The following HDHD5 variants were observed in gnomAD, a reference collection of about 807,000 sequenced individuals.
The protein encoded by HDHD5 is haloacid dehalogenase-like hydrolase domain-containing 5.
A neutral mutation model predicts 35.5 loss-of-function variants in HDHD5; 34 were observed. The observed-to-expected ratio is 0.96, with a 90% CI of 0.73 to 1.28. HDHD5 has a LOEUF of 1.28. HDHD5 is among the 50% of genes most tolerant of loss of function. The pLI is 0.00. For missense variants in HDHD5, 589 were observed against 560.2 expected (o/e 1.05, Z -0.52); for synonymous variants, 248 against 240.6 (o/e 1.03, Z -0.29).
Position 17,159,113 on chromosome 22 carries a change from C to T in HDHD5, c.126+13G>A, listed in dbSNP as rs936144871. On this transcript the variant is annotated intron_variant, in intron 1 of 7. Transcript: ENST00000336737. ...AGTGGCGAGTGGCTCGGCCAGAACC[C>T]GGACGTCCTCACCTGAGCGGGGCCC... The T allele has an allele frequency of 3.8e-5, 47 of 1,239,838 alleles. No individual in the cohort carries two copies. The highest frequency in any genetic ancestry group is 4.4e-5 in the Non-Finnish European group (44 of 990,058). The allele number at this position is 1,239,838 out of a possible 1,614,324, so 76.8% of individuals were successfully genotyped here.
At chr22:17,144,297 A>G (rs2061632784) in intron 4 of HDHD5, among the ~76,000 whole-genome samples, 1 of 151,330 alleles carries the variant, frequency 6.6e-6, no homozygotes, top group African/African-American at 2.4e-5. Context: ...CTCAGCCGCC[A>G]AGACTGGAGT....
intron 5 of HDHD5, chr22:17,142,632 A>C (rs2061612013): frequency 6.5e-6 from 1 of 154,770 alleles, no homozygotes; most frequent in African/African-American, 2.4e-5. Context: ...ACTACTACAT[A>C]CTGAAATACA....
chr22:17,162,035 T>C (rs186389810), upstream of HDHD5, among the ~76,000 whole-genome samples: 150 of 152,334 alleles, frequency 9.8e-4, no homozygotes, highest in Non-Finnish European at 1.3e-3. Context: ...ACTTCCACCT[T>C]GCCCTCATTT....
At chr22:17,159,485 C>G (rs2061845359), upstream of HDHD5, 2 of 499,336 alleles carry the variant, frequency 4.0e-6, no homozygotes, top group Non-Finnish European at 7.6e-6. Context: ...GTGAGCTGGC[C>G]GCGGCGCACA....
chr22:17,148,413 C>CT, intron 3 of HDHD5, 35 bp downstream of exon 3: 1 of 1,554,670 alleles, frequency 6.4e-7, no homozygotes, highest in South Asian at 1.1e-5. Context: ...AGCCCTGCCC[C>CT]TTCCCTTCAG....
At chr22:17,143,823 G>A (rs187472669) in intron 4 of HDHD5, among the ~76,000 whole-genome samples, 33 of 152,340 alleles carry the variant, frequency 2.2e-4, no homozygotes, top group Non-Finnish European at 3.1e-4. Context: ...ACTGCATGTC[G>A]TCAAACTGTG....
chr22:17,143,819 T>C lies in HDHD5; in HGVS notation c.538-688A>G, dbSNP rs115597701. Among the ~76,000 whole-genome samples the C allele has an allele frequency of 5.3e-3, 806 of 152,358 alleles. 9 individuals carry two copies. The highest frequency in any genetic ancestry group is 0.019 in the African/African-American group (773 of 41,590). On this transcript the variant is annotated intron_variant, in intron 4 of 7. Coordinates refer to ENST00000336737, the MANE Select transcript of HDHD5 (RefSeq NM_033070.3). ...AGTAAGTTATCTGTTTATAACTGCA[T>C]GTCGTCAAACTGTGAGAATGGTCTG...
In HDHD5 at chr22:17,146,390, C is replaced by T. The variant is rs1467808288; in HGVS notation, c.444-1273G>A. 5.4e-5 allele frequency among the ~76,000 whole-genome samples: 8 copies of T among 148,276 alleles called. 1 individual carries two copies. The highest frequency in any genetic ancestry group is 1.7e-4 in the African/African-American group (7 of 40,226). ...GCCCTCCTGTGAGCTTACCGGCCTT[C>T]GATCACACGCCATCGCACACGCTCC... On this transcript the variant is annotated intron_variant, in intron 3 of 7. Coordinates refer to ENST00000336737, the MANE Select transcript of HDHD5 (RefSeq NM_033070.3).
In HDHD5 at chr22:17,147,353, T is replaced by C. The variant is rs1159113962; in HGVS notation, c.443+1095A>G. ...CGCCATCGCACACGCCCCACACCTG[T>C]GGCGCACTCCTGTGAGCTTACCGGC... On this transcript the variant is annotated intron_variant, in intron 3 of 7. Coordinates refer to ENST00000336737, the MANE Select transcript of HDHD5 (RefSeq NM_033070.3). Among the ~76,000 whole-genome samples the C allele has an allele frequency of 4.2e-4, 40 of 96,030 alleles. 2 individuals are homozygous for C. Among genetic ancestry groups the C allele is most frequent in the East Asian group, 3.6e-3 (11 of 3,096 alleles). 63.0% of individuals were successfully genotyped at this position (96,030 alleles called of 152,430 possible).
At chr22:17,145,644 A>T (rs1362433512) in intron 3 of HDHD5, among the ~76,000 whole-genome samples, 4 of 152,016 alleles carry the variant, frequency 2.6e-5, no homozygotes, top group Non-Finnish European at 5.9e-5. Context: ...GTGAGCTATG[A>T]TTGCACCACT....
At chr22:17,161,395 C>T (rs34200633), upstream of HDHD5, among the ~76,000 whole-genome samples, 6,319 of 151,456 alleles carry the variant, frequency 0.042, 242 homozygotes, top group South Asian at 0.18. Context: ...TCTGTCTCTA[C>T]TAAAAATACA....
chr22:17,160,664 A>T (rs2061857336), upstream of HDHD5, among the ~76,000 whole-genome samples: 1 of 131,328 alleles, frequency 7.6e-6, no homozygotes, highest in South Asian at 2.2e-4. Context: ...AAAAAAAAAT[A>T]ATAATAATAA....
chr22:17,163,472 T>G (rs2061875316), upstream of HDHD5, among the ~76,000 whole-genome samples: 1 of 152,194 alleles, frequency 6.6e-6, no homozygotes, highest in South Asian at 2.1e-4. Flanking sequence ...GGAGTTAGCA[T>G]GTCTCTGAGC....
At chr22:17,161,095 A>T (rs942945810), upstream of HDHD5, among the ~76,000 whole-genome samples, 1 of 151,578 alleles carries the variant, frequency 6.6e-6, no homozygotes, top group Non-Finnish European at 1.5e-5. Flanking sequence ...CTCTACTAAA[A>T]ATACAAAAAT....
chr22:17,156,627 T>C (rs1568951582), intron 1 of HDHD5, among the ~76,000 whole-genome samples: 1 of 151,862 alleles, frequency 6.6e-6, no homozygotes. Context: ...ATCCAAAAAA[T>C]TAGCCAGGCG....
At chr22:17,157,114 A>ACACACACACACACACACACACACACAC (rs1555881519) in intron 1 of HDHD5, among the ~76,000 whole-genome samples, 1 of 148,206 alleles carries the variant, frequency 6.7e-6, no homozygotes, top group Non-Finnish European at 1.5e-5. Context: ...ACACACACAC[A>ACACACACACACACACACACACACACAC]AAAGAAAAAA....
At chr22:17,148,585 A>T (rs751349508) in intron 2 of HDHD5, 25 bp from the exon 3 acceptor site, 10 of 1,534,972 alleles carry the variant, frequency 6.5e-6, no homozygotes, top group Non-Finnish European at 9.0e-6. Flanking sequence ...AAGACAGGGG[A>T]GGGCAGAGGA....
chr22:17,153,628 G>A (rs1281162990), intron 1 of HDHD5, among the ~76,000 whole-genome samples: 1 of 152,192 alleles, frequency 6.6e-6, no homozygotes, highest in East Asian at 1.9e-4. Context: ...CCTGGGAAAA[G>A]TAACCATAGC....
intron 5 of HDHD5, chr22:17,142,061 C>G (rs1032059705): frequency 6.6e-6 from 1 of 152,190 alleles, no homozygotes; most frequent in Admixed American, 6.5e-5. Context: ...AACTATCCCA[C>G]ACTAAAATTA....
Sources: allele counts gnomAD v4.1 joint callset (sites outside exome capture counted in the v4.1 genomes callset), GRCh38; gene constraint gnomAD v4.1.1; transcripts MANE v1.5; gene names NCBI Gene and HGNC (gene_info 2026-07-23, HGNC 2026-07-21).